The following TTC28 variants were observed in gnomAD, a reference collection of about 807,000 sequenced individuals.
The protein encoded by TTC28 is tetratricopeptide repeat domain 28, also known as tetratricopeptide repeat protein 28.
Under a neutral mutation model 198.0 loss-of-function variants are expected in TTC28, and 61 were observed. The observed-to-expected ratio is 0.31, with a 90% confidence interval of 0.25 to 0.38. The LOEUF (loss-of-function observed/expected upper bound fraction) is 0.38. Ranked by LOEUF, TTC28 falls within the 10% of genes least tolerant of loss-of-function variation. The pLI is 1.00. For missense variants in TTC28, 2,678 were observed against 3,164.0 expected (o/e 0.85, Z 3.69); for synonymous variants, 1,171 against 1,297.8 (o/e 0.90, Z 2.10).
chr22:28,322,692 A>G (rs879426281), intron 2 of TTC28, among the ~76,000 whole-genome samples: 2 of 152,210 alleles, frequency 1.3e-5, no homozygotes, highest in Non-Finnish European at 2.9e-5. Context: ...CATTAGTTAT[A>G]TTTTGCTAAT....
At chr22:28,081,231 A>T (rs1171723370) in intron 12 of TTC28, among the ~76,000 whole-genome samples, 2 of 151,972 alleles carry the variant, frequency 1.3e-5, no homozygotes, top group African/African-American at 4.8e-5. Flanking sequence ...CCCAGGCTGG[A>T]GTGCAGTGGC....
chr22:28,574,254 C>T (rs2050109611), intron 2 of TTC28, among the ~76,000 whole-genome samples: 1 of 152,138 alleles, frequency 6.6e-6, no homozygotes, highest in Non-Finnish European at 1.5e-5. Flanking sequence ...TCAAGTGATC[C>T]ACCTGCTTCA....
rs907954939 is a variant in TTC28 at position 28,005,149 on chromosome 22, G to A, written c.4219-3596C>T. Among the ~76,000 whole-genome samples, 6 of 152,204 alleles carry A rather than the reference G, an allele frequency of 3.9e-5. No homozygotes were observed. The highest frequency in any genetic ancestry group is 1.2e-4 in the African/African-American group (5 of 41,444). ...CTCTTCCCCAGGGGTGCCGCCCTGC[G>A]CTCTCACCAAGGGGCTGTGACCCTG... On this transcript the variant is annotated intron_variant, in intron 14 of 22. Coordinates refer to ENST00000397906, the MANE Select transcript of TTC28 (RefSeq NM_001145418.2). This position sits in a 1 kb window ranked among gnomAD's most constrained non-coding sequence, Gnocchi z 4.9.
At chr22:28,081,307 A>C (rs1333300431) in intron 12 of TTC28, among the ~76,000 whole-genome samples, 1 of 151,868 alleles carries the variant, frequency 6.6e-6, no homozygotes, top group Non-Finnish European at 1.5e-5. Flanking sequence ...CATCCACCCA[A>C]GTAGCTGGGA....
chr22:28,633,891 A>G (rs972612666), intron 1 of TTC28, among the ~76,000 whole-genome samples: 3 of 152,186 alleles, frequency 2.0e-5, no homozygotes, highest in Non-Finnish European at 4.4e-5. Context: ...ACCATACATT[A>G]TAAGATCAAA....
intron 13 of TTC28, among the ~76,000 whole-genome samples, chr22:28,016,600 G>A (rs1053789360): frequency 2.6e-5 from 4 of 152,212 alleles, no homozygotes; most frequent in Admixed American, 1.3e-4. Flanking sequence ...GATCAGTCCA[G>A]CTGGGGGTGA....
chr22:28,460,304 T>C (rs1214628545), intron 2 of TTC28, among the ~76,000 whole-genome samples: 1 of 152,114 alleles, frequency 6.6e-6, no homozygotes, highest in Non-Finnish European at 1.5e-5. Flanking sequence ...GTTTTGTAAT[T>C]ACAAAGTTAA....
intron 2 of TTC28, among the ~76,000 whole-genome samples, chr22:28,336,882 C>T (rs1238707784): frequency 1.3e-5 from 2 of 152,056 alleles, no homozygotes; most frequent in African/African-American, 2.4e-5. Flanking sequence ...CTTCTGCTAG[C>T]TTTTGAATGT....
intron 5 of TTC28, among the ~76,000 whole-genome samples, chr22:28,215,276 T>C (rs760938603): frequency 6.6e-6 from 1 of 152,186 alleles, no homozygotes; most frequent in Non-Finnish European, 1.5e-5. Flanking sequence ...GATCTTAAAG[T>C]ATAATAATAA....
intron 5 of TTC28, among the ~76,000 whole-genome samples, chr22:28,169,623 G>T (rs920919095): frequency 6.6e-6 from 1 of 152,048 alleles, no homozygotes; most frequent in Admixed American, 6.6e-5. Context: ...TGAACAATCA[G>T]AACACATGGA....
At chr22:28,465,103 T>C (rs2048000111) in intron 2 of TTC28, among the ~76,000 whole-genome samples, 1 of 152,234 alleles carries the variant, frequency 6.6e-6, no homozygotes, top group Non-Finnish European at 1.5e-5. Flanking sequence ...CATTTTCTGG[T>C]TACTAACTTA....
At chr22:28,299,794 C>T (rs1407133345) in intron 3 of TTC28, among the ~76,000 whole-genome samples, 2 of 152,176 alleles carry the variant, frequency 1.3e-5, no homozygotes, top group Non-Finnish European at 2.9e-5. Flanking sequence ...AAGCTTGGGA[C>T]ATAACCAAGA....
intron 5 of TTC28, among the ~76,000 whole-genome samples, chr22:28,214,715 A>T (rs190309154): frequency 5.9e-5 from 9 of 152,236 alleles, no homozygotes; most frequent in African/African-American, 1.9e-4. Context: ...ATTTTGGAAG[A>T]CAGTGTGGTG....
At chr22:28,270,784 A>G (rs2145704623) in intron 5 of TTC28, among the ~76,000 whole-genome samples, 1 of 152,286 alleles carries the variant, frequency 6.6e-6, no homozygotes, top group South Asian at 2.1e-4. Flanking sequence ...CTATAGTCCC[A>G]GCTACTCAGG....
intron 2 of TTC28, among the ~76,000 whole-genome samples, chr22:28,583,254 GATTC>G (rs2050257922): frequency 6.6e-6 from 1 of 152,070 alleles, no homozygotes; most frequent in Non-Finnish European, 1.5e-5. Flanking sequence ...TATAATTTGT[GATTC>G]ATTTTCATTT....
chr22:28,630,347 C>T lies in TTC28; in HGVS notation c.103-517G>A, dbSNP rs188996268. Among the ~76,000 whole-genome samples the T allele has an allele frequency of 7.8e-3, 1,185 of 152,204 alleles. 5 individuals carry two copies. The highest frequency in any genetic ancestry group is 0.012 in the South Asian group (59 of 4,822). ...TGTAACCCAGGCTACAGTGTAGTGG[C>T]ACAAGTCACTGCACTGTTGAGGTTC... is the stretch of plus-strand genomic sequence containing the variant. On this transcript the variant is annotated intron_variant, in intron 1 of 22. Coordinates refer to ENST00000397906, the MANE Select transcript of TTC28 (RefSeq NM_001145418.2).
At chr22:28,439,359 T>C (rs917988159) in intron 2 of TTC28, among the ~76,000 whole-genome samples, 1 of 152,122 alleles carries the variant, frequency 6.6e-6, no homozygotes, top group Non-Finnish European at 1.5e-5. Flanking sequence ...GAAAGGGGAA[T>C]GGGAAGAAGA....
rs148775705 is a variant in TTC28, at chr22:28,159,953, C to A, written c.1441+3139G>T. On this transcript the variant is annotated intron_variant, in intron 6 of 22. Coordinates refer to ENST00000397906, the MANE Select transcript of TTC28 (RefSeq NM_001145418.2). ...ATTATGTCAAGTGAAATAAGCCAAG[C>A]ACAATCAGACAAACATTGCATGTTC... 9.3e-3 allele frequency among the ~76,000 whole-genome samples: 1,417 copies of A among 152,234 alleles called. 25 individuals carry two copies. The highest frequency in any genetic ancestry group is 0.032 in the African/African-American group (1,318 of 41,528).
chr22:28,086,514 G>A (rs552479922), intron 12 of TTC28, among the ~76,000 whole-genome samples: 1 of 152,272 alleles, frequency 6.6e-6, no homozygotes, highest in Admixed American at 6.5e-5. Context: ...GTTCAAAGCA[G>A]TGTGTAGAGG....
Sources: allele counts gnomAD v4.1 joint callset (sites outside exome capture counted in the v4.1 genomes callset), GRCh38; gene constraint gnomAD v4.1.1; non-coding constraint Gnocchi (gnomAD v3.1); transcripts MANE v1.5; gene names NCBI Gene and HGNC (gene_info 2026-07-23, HGNC 2026-07-21).